The following NRG3 variants were observed in gnomAD, a reference collection of about 807,000 sequenced individuals.
NRG3 encodes pro-neuregulin-3, membrane-bound isoform.
Under a neutral mutation model 66.9 loss-of-function variants are expected in NRG3, and 31 were observed. The ratio of observed to expected loss-of-function variants is 0.46; its 90% CI spans 0.35 to 0.63. The LOEUF is 0.63. Ranked by LOEUF, NRG3 falls within the 20% of genes least tolerant of loss-of-function variation. The pLI, the probability that NRG3 is intolerant of heterozygous loss-of-function variation, is 0.00. For synonymous variants in NRG3, 393 were observed against 359.4 expected, an observed-to-expected ratio of 1.09 and a Z score of -1.06; for missense variants, 910 against 878.9, an observed-to-expected ratio of 1.04 and a Z score of -0.45.
chr10:82,199,889 C>CGCGT (rs2074689925), intron 1 of NRG3, among the ~76,000 whole-genome samples: 1 of 142,706 alleles, frequency 7.0e-6, no homozygotes, highest in Non-Finnish European at 1.5e-5. Context: ...TGTGTGTGTG[C>CGCGT]GTGTGTGTGT....
chr10:82,016,427 G>C (rs890290361), intron 1 of NRG3, among the ~76,000 whole-genome samples: 1 of 152,194 alleles, frequency 6.6e-6, no homozygotes, highest in Non-Finnish European at 1.5e-5. Context: ...ATGGCAGGCA[G>C]TAAGCATGCG....
intron 2 of NRG3, among the ~76,000 whole-genome samples, chr10:82,518,101 T>C (rs539710208): frequency 6.6e-6 from 1 of 152,166 alleles, no homozygotes; most frequent in Non-Finnish European, 1.5e-5. Context: ...ACATAGGACA[T>C]GTTTCTTAAA....
At chr10:82,901,973 G>C (rs1284930281) in intron 4 of NRG3, among the ~76,000 whole-genome samples, 1 of 152,006 alleles carries the variant, frequency 6.6e-6, no homozygotes, top group Non-Finnish European at 1.5e-5. Context: ...TTCATTTTAG[G>C]TTTTAATATA....
intron 2 of NRG3, among the ~76,000 whole-genome samples, chr10:82,396,795 C>G (rs752777186): frequency 6.6e-6 from 1 of 152,030 alleles, no homozygotes; most frequent in Non-Finnish European, 1.5e-5. Context: ...TTGTCCCTCT[C>G]TCACTCTGTG....
chr10:82,208,044 T>C (rs921377901), intron 1 of NRG3, among the ~76,000 whole-genome samples: 1 of 152,182 alleles, frequency 6.6e-6, no homozygotes, highest in Non-Finnish European at 1.5e-5. Flanking sequence ...ACTATCTCAT[T>C]TGACCTAAAT....
intron 1 of NRG3, among the ~76,000 whole-genome samples, chr10:82,293,479 A>G (rs993583811): frequency 3.3e-5 from 5 of 152,206 alleles, no homozygotes; most frequent in African/African-American, 1.2e-4. Context: ...CCTAGAAGAA[A>G]TATCTTCCTT....
At position 82,953,906 on chromosome 10, in the gene NRG3, C is replaced by T. The variant is rs189842129; in HGVS notation, c.1157+2335C>T. On this transcript the variant is annotated intron_variant, in intron 5 of 8. Transcript: ENST00000372141. ...CTGGGAGGTGGAGGTTGCAGTGAGC[C>T]AAGATCGCACGACTGCACTCCAACC... 1.2e-3 allele frequency among the ~76,000 whole-genome samples: 179 copies of T among 148,124 alleles called. 3 individuals carry two copies. Among genetic ancestry groups the T allele is most frequent in the African/African-American group, 4.2e-3 (169 of 39,888 alleles).
chr10:82,430,512 C>A (rs1456024597), intron 2 of NRG3, among the ~76,000 whole-genome samples: 2 of 152,162 alleles, frequency 1.3e-5, no homozygotes, highest in Admixed American at 6.5e-5. Flanking sequence ...CTGCCTTGGC[C>A]ACCCAAAGTT....
intron 3 of NRG3, among the ~76,000 whole-genome samples, chr10:82,790,589 CT>C (rs1326427866): frequency 1.4e-4 from 22 of 151,932 alleles, no homozygotes; most frequent in African/African-American, 5.3e-4. Context: ...GTCATTGAGC[CT>C]CTTGGATGTA....
At chr10:82,058,576 A>T (rs1331185450) in intron 1 of NRG3, among the ~76,000 whole-genome samples, 3 of 150,990 alleles carry the variant, frequency 2.0e-5, no homozygotes, top group African/African-American at 7.3e-5. Flanking sequence ...ATTTATAAAT[A>T]TACTTTTTCT....
chr10:82,532,746 T>G (rs1180645864), intron 2 of NRG3, among the ~76,000 whole-genome samples: 3 of 151,522 alleles, frequency 2.0e-5, no homozygotes, highest in Non-Finnish European at 4.4e-5. Flanking sequence ...GAAGTGCTAC[T>G]ATCTCTTCAA....
intron 2 of NRG3, among the ~76,000 whole-genome samples, chr10:82,385,766 G>A (rs1038492731): frequency 5.3e-5 from 8 of 152,104 alleles, no homozygotes; most frequent in African/African-American, 1.9e-4. Context: ...TATTTAGTAA[G>A]GTGTGTTTAT....
intron 1 of NRG3, among the ~76,000 whole-genome samples, chr10:82,033,713 C>G (rs2062671649): frequency 6.6e-6 from 1 of 152,052 alleles, no homozygotes; most frequent in Non-Finnish European, 1.5e-5. Context: ...ATTTGTCATG[C>G]AGGATGCATC....
At chr10:82,135,301 T>TA (rs2069252261) in intron 1 of NRG3, among the ~76,000 whole-genome samples, 1 of 152,100 alleles carries the variant, frequency 6.6e-6, no homozygotes, top group African/African-American at 2.4e-5. Flanking sequence ...GTTTGATTGT[T>TA]AAATGTCTTG....
chr10:82,379,768 A>C (rs1179965384), intron 2 of NRG3, among the ~76,000 whole-genome samples: 5 of 152,068 alleles, frequency 3.3e-5, no homozygotes, highest in Admixed American at 3.3e-4. Flanking sequence ...AGAAGTATAA[A>C]ACCAGTGGTT....
At chr10:82,448,209 G>A (rs1490310533) in intron 2 of NRG3, among the ~76,000 whole-genome samples, 1 of 152,182 alleles carries the variant, frequency 6.6e-6, no homozygotes, top group Non-Finnish European at 1.5e-5. Context: ...CTAGGGAAAT[G>A]TATAATGTGC....
At chr10:82,833,111 C>T (rs1223253357) in intron 3 of NRG3, among the ~76,000 whole-genome samples, 1 of 152,064 alleles carries the variant, frequency 6.6e-6, no homozygotes, top group Non-Finnish European at 1.5e-5. Flanking sequence ...GTGCTCTTAA[C>T]TCTCAAATTT....
chr10:82,040,329 A>G (rs1261681740), intron 1 of NRG3, among the ~76,000 whole-genome samples: 2 of 152,072 alleles, frequency 1.3e-5, no homozygotes, highest in African/African-American at 4.8e-5. Context: ...ATATACCCAT[A>G]TGTATACACA....
At chr10:82,583,207 C>A (rs2046464934) in intron 2 of NRG3, among the ~76,000 whole-genome samples, 2 of 151,996 alleles carry the variant, frequency 1.3e-5, no homozygotes, top group Non-Finnish European at 2.9e-5. Context: ...GAAGTAAATG[C>A]CTAAAATATC....
Sources: gnomAD v4.1 joint callset for allele counts (sites outside exome capture counted in the v4.1 genomes callset) on GRCh38, gnomAD v4.1.1 for gene constraint, MANE v1.5 for transcripts, NCBI Gene and HGNC (gene_info 2026-07-23, HGNC 2026-07-21) for gene names.